Variants in ADD3 observed in about 807,000 individuals in gnomAD.
The protein encoded by ADD3 is gamma-adducin.
A neutral mutation model predicts 80.2 loss-of-function variants in ADD3; 25 were observed. That is an observed-to-expected ratio of 0.31 (90% CI 0.23 to 0.44). The LOEUF is 0.44. ADD3 is among the 20% of genes least tolerant of loss of function. ADD3 has a pLI of 1.00. For synonymous variants in ADD3, 284 were observed against 289.6 expected (o/e 0.98, Z 0.20); for missense variants, 829 against 847.5 (o/e 0.98, Z 0.27).
chr10:110,077,230 C>A (rs1320046561), intron 1 of ADD3: 1 of 151,944 alleles, frequency 6.6e-6, no homozygotes, highest in Non-Finnish European at 1.5e-5. Context: ...CAATATTCTT[C>A]TTTGGGAGGA....
chr10:110,089,177 TAAAAA>T (rs1218034171), intron 1 of ADD3, among the ~76,000 whole-genome samples: 1 of 150,454 alleles, frequency 6.6e-6, no homozygotes, highest in African/African-American at 2.4e-5. Flanking sequence ...AAAATAAAAA[TAAAAA>T]AAAAGCTTTT....
chr10:110,101,595 C>A (rs1461423619), intron 2 of ADD3, among the ~76,000 whole-genome samples: 2 of 150,798 alleles, frequency 1.3e-5, no homozygotes, highest in Non-Finnish European at 2.9e-5. Context: ...CGTGATCATG[C>A]CACTGCATTC....
rs370024990 is a variant in ADD3 at position 110,025,230 on chromosome 10, C to T, written c.-30+16931C>T. ...TTAAAACGTTTCCTTTCCTAGCGTCCGTTCCACTAAGGCAGAGGTATAGAA... is the reference window on the plus strand; with the variant it reads ...TTAAAACGTTTCCTTTCCTAGCGTCTGTTCCACTAAGGCAGAGGTATAGAA... On this transcript the variant is annotated intron_variant, in intron 1 of 14. Transcript: ENST00000356080. Among the ~76,000 whole-genome samples the T allele has an allele frequency of 9.9e-5, 15 of 152,028 alleles. No homozygotes were observed. The East Asian group carries it at 1.7e-3, about 18-fold the overall frequency.
upstream of ADD3, among the ~76,000 whole-genome samples, chr10:110,002,429 C>A (rs537104347): frequency 5.3e-5 from 8 of 152,002 alleles, no homozygotes; most frequent in Non-Finnish European, 7.4e-5. Context: ...TCCCGCCCCC[C>A]ACACCGGGCT....
chr10:110,033,532 G>A (rs547567160), intron 1 of ADD3, among the ~76,000 whole-genome samples: 2 of 152,238 alleles, frequency 1.3e-5, no homozygotes, highest in Admixed American at 1.3e-4. Context: ...AAATTTACTT[G>A]GGATCCATCC....
At chr10:110,009,785 GT>G (rs1448394051) in intron 1 of ADD3, among the ~76,000 whole-genome samples, 2 of 152,168 alleles carry the variant, frequency 1.3e-5, no homozygotes, top group Admixed American at 6.5e-5. Context: ...GTTGGTAATA[GT>G]TTTTAAAGAA....
chr10:110,015,535 T>A (rs893068797), intron 1 of ADD3, among the ~76,000 whole-genome samples: 2 of 151,934 alleles, frequency 1.3e-5, no homozygotes, highest in Non-Finnish European at 2.9e-5. Flanking sequence ...ACCACCATGC[T>A]CGGCTAATTT....
intron 8 of ADD3, among the ~76,000 whole-genome samples, chr10:110,120,871 A>C (rs951078413): frequency 1.3e-5 from 2 of 152,124 alleles, no homozygotes; most frequent in African/African-American, 4.8e-5. Context: ...CTGATCTTTG[A>C]CAAACCTGAG....
intron 1 of ADD3, among the ~76,000 whole-genome samples, chr10:110,046,111 A>T (rs1373967109): frequency 6.6e-6 from 1 of 152,174 alleles, no homozygotes; most frequent in African/African-American, 2.4e-5. Context: ...TTCTAAGAAA[A>T]AGTTGAATTG....
intron 2 of ADD3, among the ~76,000 whole-genome samples, chr10:110,109,948 A>G (rs557814536): frequency 2.0e-5 from 3 of 152,294 alleles, no homozygotes; most frequent in Non-Finnish European, 4.4e-5. Context: ...ATATTTTACA[A>G]GACAGTTTTT....
At chr10:110,057,185 G>A (rs1858303405) in intron 1 of ADD3, among the ~76,000 whole-genome samples, 1 of 152,104 alleles carries the variant, frequency 6.6e-6, no homozygotes, top group East Asian at 1.9e-4. Flanking sequence ...ACCCGACTCT[G>A]CACTTCTCTA....
chr10:110,079,563 C>CT lies in ADD3; in HGVS notation c.-29-21052dup, dbSNP rs34455634. Among the ~76,000 whole-genome samples the CT allele has an allele frequency of 2.3e-3, 285 of 125,644 alleles. 3 individuals carry two copies. The Middle Eastern group carries it at 0.039, about 17-fold the overall frequency. The allele number at this position is 125,644 out of a possible 152,430, so 82.4% of individuals were successfully genotyped here. A position where few individuals can be genotyped will look rare whatever the true frequency, so the allele number is the denominator to read the frequency against. ...ATACCATTATGTATCTACTCTTTTC[C>CT]TTTTTTTTTTGAGACAGAGTCTTAC... On this transcript the variant is annotated intron_variant, in intron 1 of 14. Transcript: ENST00000356080.
At position 110,090,686 on chromosome 10, in the gene ADD3, TTGAAAC is replaced by T. The variant is rs1346187843; in HGVS notation, c.-29-9932_-29-9927del. On this transcript the variant is annotated intron_variant, in intron 1 of 14. Coordinates refer to ENST00000356080, the MANE Select transcript of ADD3 (RefSeq NM_016824.5). ...TATATTTTTATTTGTAAAACAAAATTTGAAACTGAAACACCCTCTTAGCTGTGGCCT... is the reference window on the plus strand; with the variant it reads ...TATATTTTTATTTGTAAAACAAAATTTGAAACACCCTCTTAGCTGTGGCCT... Among the ~76,000 whole-genome samples the T allele has an allele frequency of 5.3e-5, 8 of 152,348 alleles. No homozygotes were observed. In the East Asian group the frequency reaches 1.5e-3, roughly 29 times the overall value.
intron 1 of ADD3, among the ~76,000 whole-genome samples, chr10:110,015,621 G>T (rs1010250116): frequency 4.0e-5 from 6 of 151,888 alleles, no homozygotes; most frequent in Admixed American, 3.3e-4. Flanking sequence ...TGATCCGTCC[G>T]CCTCGGCCTC....
intron 9 of ADD3, 139 bp downstream of exon 9, chr10:110,122,431 C>A (rs1263600993): frequency 2.8e-6 from 2 of 703,222 alleles, no homozygotes; most frequent in Non-Finnish European, 2.3e-6. Flanking sequence ...TGTTATTTAA[C>A]CACACCTTTG....
At chr10:110,052,918 A>G (rs1029736340) in intron 1 of ADD3, among the ~76,000 whole-genome samples, 6 of 152,302 alleles carry the variant, frequency 3.9e-5, no homozygotes, top group Admixed American at 3.3e-4. Context: ...ACAACCATAA[A>G]TATATAGTAT....
intron 1 of ADD3, among the ~76,000 whole-genome samples, chr10:110,042,418 G>A (rs1216645028): frequency 2.0e-5 from 3 of 152,108 alleles, no homozygotes; most frequent in South Asian, 2.1e-4. Flanking sequence ...TTTCTTGTTC[G>A]TGTTTGTCGG....
At chr10:110,112,993 T>G in intron 3 of ADD3, 78 bp downstream of exon 3, 1 of 1,457,990 alleles carries the variant, frequency 6.9e-7, no homozygotes, top group Non-Finnish European at 9.4e-7. Flanking sequence ...AGCAGCATAT[T>G]CTGCTCGGGT....
At chr10:110,064,844 T>A (rs1392338823) in intron 1 of ADD3, among the ~76,000 whole-genome samples, 1 of 152,164 alleles carries the variant, frequency 6.6e-6, no homozygotes, top group African/African-American at 2.4e-5. Context: ...ACAGTATTTT[T>A]AAAACTGCAT....
Sources: gnomAD v4.1 joint callset for allele counts (sites outside exome capture counted in the v4.1 genomes callset) on GRCh38, gnomAD v4.1.1 for gene constraint, MANE v1.5 for transcripts, NCBI Gene and HGNC (gene_info 2026-07-23, HGNC 2026-07-21) for gene names.